The following AGPS variants were observed in gnomAD, a reference collection of about 807,000 sequenced individuals.
The protein encoded by AGPS is alkylglycerone phosphate synthase.
AGPS carries 26 observed loss-of-function variants against 90.7 expected under a neutral mutation model. That is an observed-to-expected ratio of 0.29 (90% confidence interval 0.21 to 0.40). The LOEUF is 0.40. AGPS is among the 10% of genes least tolerant of loss of function. The pLI is 1.00. For synonymous variants in AGPS, 294 were observed against 285.3 expected (o/e 1.03, Z -0.31); for missense variants, 540 against 816.1 (o/e 0.66, Z 4.12).
intron 19 of AGPS, 64 bp from the exon 20 acceptor site, chr2:177,538,010 A>G (rs1410526332): frequency 1.9e-6 from 3 of 1,588,788 alleles, no homozygotes; most frequent in Admixed American, 3.3e-5. Flanking sequence ...ACTCATGGTC[A>G]CAAGATTGAT....
chr2:177,399,776 C>T lies in AGPS; in HGVS notation c.260+6727C>T, dbSNP rs60149169. Reference sequence around the variant, plus strand: ...GTGCTCATCCCAGTGGCTCCTTCCACCAGGATAACCACTACCTTGACTTCT... The same window carrying T: ...GTGCTCATCCCAGTGGCTCCTTCCATCAGGATAACCACTACCTTGACTTCT... On this transcript the variant is annotated intron_variant, in intron 1 of 19. Coordinates refer to ENST00000264167, the MANE Select transcript of AGPS (RefSeq NM_003659.4). Among the ~76,000 whole-genome samples the T allele has an allele frequency of 3.9e-3, 596 of 152,336 alleles. 1 individual carries two copies. The highest frequency in any genetic ancestry group is 9.6e-3 in the East Asian group (50 of 5,188).
At chr2:177,393,112 G>A (rs1484070306) in intron 1 of AGPS, 63 bp downstream of exon 1, 10 of 1,549,908 alleles carry the variant, frequency 6.5e-6, no homozygotes, top group Non-Finnish European at 8.7e-6. Flanking sequence ...TGCTGCAGGA[G>A]GGCACAGGCG....
chr2:177,428,138 A>C (rs1291580005), intron 2 of AGPS, among the ~76,000 whole-genome samples: 1 of 152,200 alleles, frequency 6.6e-6, no homozygotes, highest in Non-Finnish European at 1.5e-5. Context: ...GTCAGAAACT[A>C]GGATTGCGAC....
Position 177,538,109 on chromosome 2 carries a change from A to G in AGPS, c.1891A>G (p.Ile631Val). Residue 631 changes from isoleucine to valine, a missense_variant, in exon 20 of 20, where the codon ATC (isoleucine) becomes GTC (valine). By Grantham distance (29) the Ile-to-Val change is conservative. Coordinates refer to ENST00000264167, the MANE Select transcript of AGPS (RefSeq NM_003659.4). Reference sequence around the variant, plus strand: ...ACGGAAGCAATGGCTAAAGGAAAGTATCTCTGATGTCGGCTTTGGGATGCT... The same window carrying G: ...ACGGAAGCAATGGCTAAAGGAAAGTGTCTCTGATGTCGGCTTTGGGATGCT... ...KLRKQWLKES[I>V]SDVGFGMLKS... The G allele has an allele frequency of 1.9e-6, 3 of 1,613,272 alleles. No individual in the cohort carries two copies. The highest frequency in any genetic ancestry group is 3.3e-5 in the Admixed American group (2 of 59,952).
At position 177,539,954 on chromosome 2, in the gene AGPS, A is replaced by G. The variant is rs1172182649; in HGVS notation, c.*1759A>G. On this transcript the variant is annotated 3_prime_UTR_variant, in exon 20 of 20. Transcript: ENST00000264167. ...AATTATAAAAATCTCAGCTTTATAA[A>G]ATGCATCTGTTCACGAAGGTAATTT... The G allele has an allele frequency of 6.6e-6, 1 of 151,148 alleles. No homozygotes were observed. Among genetic ancestry groups the G allele is most frequent in the East Asian group, 1.9e-4 (1 of 5,160 alleles). 9.4% of individuals were successfully genotyped at this position (151,148 alleles called of 1,614,324 possible).
At chr2:177,405,072 C>T (rs1327302629) in intron 1 of AGPS, among the ~76,000 whole-genome samples, 2 of 152,186 alleles carry the variant, frequency 1.3e-5, no homozygotes, top group African/African-American at 4.8e-5. Context: ...GAGCCAAGAA[C>T]CAGAAAGCCA....
intron 11 of AGPS, among the ~76,000 whole-genome samples, chr2:177,491,429 CTTTTTTTTTTT>C (rs1051275473): frequency 8.5e-6 from 1 of 118,250 alleles, no homozygotes; most frequent in Non-Finnish European, 1.8e-5. Flanking sequence ...TGACTAATTT[CTTTTTTTTTTT>C]TTTTTTTTGT....
intron 8 of AGPS, among the ~76,000 whole-genome samples, chr2:177,453,269 CT>C (rs540709031): frequency 0.045 from 6,545 of 144,496 alleles, 178 homozygotes; most frequent in Non-Finnish European, 0.062. Context: ...CCTCTGGCTA[CT>C]TTTTTTTTTT....
intron 1 of AGPS, among the ~76,000 whole-genome samples, chr2:177,407,352 G>C (rs539700864): frequency 5.9e-5 from 9 of 152,268 alleles, no homozygotes; most frequent in Non-Finnish European, 8.8e-5. Flanking sequence ...CCCGAGACTG[G>C]ATAATTTATA....
Position 177,523,790 on chromosome 2 carries a change from T to C in AGPS, c.1840T>C (p.Ser614Pro). 1.2e-6 allele frequency: 2 copies of C among 1,613,808 alleles called. No individual in the cohort carries two copies. The highest frequency in any genetic ancestry group is 1.7e-6 in the Non-Finnish European group (2 of 1,179,704). The change falls in exon 19 of 20, where the codon TCA (serine) becomes CCA (proline). Residue 614 changes from serine (S) to proline (P), a missense_variant. Transcript: ENST00000264167. ...EEILANGGSL[S>P]HHHGVGKLRK... ...AATCCTTGCTAATGGAGGGAGCCTG[T>C]CACATCACCATGGAGGTATTCTTTT...
Position 177,538,496 on chromosome 2 carries a change from G to T in AGPS, c.*301G>T. On this transcript the variant is annotated 3_prime_UTR_variant, in exon 20 of 20. Coordinates refer to ENST00000264167, the MANE Select transcript of AGPS (RefSeq NM_003659.4). ...AGAGGAAGCTGCTGCCAGCTGTTTT[G>T]TATTGTTGCTTCCTCTTGGGGAACA... The T allele has an allele frequency of 2.6e-6, 1 of 380,154 alleles. No homozygotes were observed. The allele number at this position is 380,154 out of a possible 1,614,324, so 23.5% of individuals were successfully genotyped here.
At chr2:177,523,088 C>G (rs192654019) in intron 18 of AGPS, among the ~76,000 whole-genome samples, 1 of 152,074 alleles carries the variant, frequency 6.6e-6, no homozygotes, top group South Asian at 2.1e-4. Flanking sequence ...TCTTTTCACT[C>G]TTAGGTATCC....
At chr2:177,438,392 C>T (rs1237400566) in intron 5 of AGPS, among the ~76,000 whole-genome samples, 2 of 152,050 alleles carry the variant, frequency 1.3e-5, no homozygotes, top group Non-Finnish European at 2.9e-5. Flanking sequence ...TCTTAAAAAA[C>T]AAAAACAAAA....
chr2:177,527,490 C>G (rs1349770685), intron 19 of AGPS, among the ~76,000 whole-genome samples: 2 of 151,948 alleles, frequency 1.3e-5, no homozygotes, highest in Non-Finnish European at 2.9e-5. Flanking sequence ...AATATAAAAT[C>G]TGTTTCTTTA....
chr2:177,442,862 A>ATTTTG (rs1422093854), intron 7 of AGPS, among the ~76,000 whole-genome samples: 1 of 149,156 alleles, frequency 6.7e-6, no homozygotes, highest in Non-Finnish European at 1.5e-5. Context: ...TCTAATATCC[A>ATTTTG]TTTTGTTTTA....
intron 1 of AGPS, 123 bp from the exon 2 acceptor site, chr2:177,420,146 C>G: frequency 1.5e-6 from 1 of 666,346 alleles, no homozygotes; most frequent in Non-Finnish European, 2.6e-6. Flanking sequence ...TTTTATTTAA[C>G]CTTATACAAT....
At chr2:177,460,117 A>G (rs1265315514) in intron 8 of AGPS, among the ~76,000 whole-genome samples, 1 of 152,220 alleles carries the variant, frequency 6.6e-6, no homozygotes, top group South Asian at 2.1e-4. Context: ...TTGAACAATG[A>G]GTACACATGG....
intron 12 of AGPS, among the ~76,000 whole-genome samples, chr2:177,493,640 G>A (rs546814013): frequency 2.6e-5 from 4 of 152,288 alleles, no homozygotes; most frequent in South Asian, 4.2e-4. Context: ...TCAAATAGAG[G>A]GTGGGGTTAG....
chr2:177,421,904 G>C (rs1434746779), intron 2 of AGPS, among the ~76,000 whole-genome samples: 4 of 151,996 alleles, frequency 2.6e-5, no homozygotes, highest in Non-Finnish European at 2.9e-5. Context: ...CAGTATTTCT[G>C]TTTTATGGAA....
Sources: allele counts gnomAD v4.1 joint callset (sites outside exome capture counted in the v4.1 genomes callset), GRCh38; gene constraint gnomAD v4.1.1; transcripts MANE v1.5; gene names NCBI Gene and HGNC (gene_info 2026-07-23, HGNC 2026-07-21).